Variants in TNFRSF8 observed in about 807,000 individuals in gnomAD.
TNFRSF8 encodes the protein TNF receptor superfamily member 8.
Under a neutral mutation model 70.8 loss-of-function variants are expected in TNFRSF8, and 26 were observed. The observed-to-expected ratio is 0.37, with a 90% CI of 0.27 to 0.51. The LOEUF (loss-of-function observed/expected upper bound fraction) is 0.51. Ranked by LOEUF, TNFRSF8 falls within the 20% of genes least tolerant of loss-of-function variation. TNFRSF8 has a pLI of 0.94. For missense variants in TNFRSF8, 720 were observed against 807.9 expected (o/e 0.89, Z 1.32); for synonymous variants, 356 against 339.2 (o/e 1.05, Z -0.54).
At chr1:12,068,489 C>T (rs1289892636) in intron 1 of TNFRSF8, among the ~76,000 whole-genome samples, 1 of 152,048 alleles carries the variant, frequency 6.6e-6, no homozygotes, top group Non-Finnish European at 1.5e-5. Context: ...TTCTCCACTT[C>T]TCTCTCTCCC....
intron 1 of TNFRSF8, among the ~76,000 whole-genome samples, chr1:12,077,009 A>G (rs1284437837): frequency 2.6e-5 from 4 of 152,142 alleles, no homozygotes; most frequent in African/African-American, 9.7e-5. Context: ...TGGCCCAACC[A>G]CGGCTGAAGA....
Position 12,063,602 on chromosome 1 carries a change from C to T in TNFRSF8, c.4C>T (p.Arg2Cys). The change falls in exon 1 of 15, where the codon CGC (arginine) becomes TGC (cysteine). Residue 2 changes from arginine to cysteine, a missense_variant. Arg to Cys is a radical substitution (Grantham distance 180, BLOSUM62 -3). Transcript: ENST00000263932. The surrounding 1 kb of genome is among the most constrained non-coding windows in gnomAD (Gnocchi z 7.2). ...CACCTCACGTCCGGCCCCGGGGATG[C>T]GCGTCCTCCTCGCCGCGCTGGGACT... M[R>C]VLLAALGLLF... 8 of 1,307,128 alleles carry T rather than the reference C, an allele frequency of 6.1e-6. No homozygotes were observed. The South Asian group carries it at 6.7e-5, about 11-fold the overall frequency. 81.0% of individuals were successfully genotyped at this position (1,307,128 alleles called of 1,614,324 possible). A position where few individuals can be genotyped will look rare whatever the true frequency, so the allele number is the denominator to read the frequency against.
chr1:12,143,779 C>T lies in TNFRSF8; in HGVS notation c.*1248C>T, dbSNP rs1234163515. 1 of 152,202 alleles carries T rather than the reference C, an allele frequency of 6.6e-6. No individual in the cohort carries two copies. Among genetic ancestry groups the T allele is most frequent in the African/African-American group, 2.4e-5 (1 of 41,438 alleles). The allele number at this position is 152,202 out of a possible 1,614,324, so 9.4% of individuals were successfully genotyped here. A position where few individuals can be genotyped will look rare whatever the true frequency, so the allele number is the denominator to read the frequency against. ...GATGAGTCTTGGAGTTGCGGGCAGC[C>T]TGGAGACTCGTGGACTTACCGCCTG... On this transcript the variant is annotated 3_prime_UTR_variant, in exon 15 of 15. Transcript: ENST00000263932. This position sits in a 1 kb window ranked among gnomAD's most constrained non-coding sequence, Gnocchi z 4.1.
chr1:12,118,767 A>T (rs114450430), intron 8 of TNFRSF8, among the ~76,000 whole-genome samples: 2,218 of 152,266 alleles, frequency 0.015, 15 homozygotes, highest in Non-Finnish European at 0.024. Flanking sequence ...TCTCCTCTGT[A>T]GGGAGCATGC....
chr1:12,097,204 G>A lies in TNFRSF8; in HGVS notation c.255G>A (p.Val85=). The A allele has an allele frequency of 6.2e-7, 1 of 1,613,844 alleles. No individual in the cohort carries two copies. The highest frequency in any genetic ancestry group is 8.5e-7 in the Non-Finnish European group (1 of 1,179,802). Residue 85 remains valine (V), a synonymous_variant, in exon 3 of 15, where the codon GTG becomes GTA. Coordinates refer to ENST00000263932, the MANE Select transcript of TNFRSF8 (RefSeq NM_001243.5). ...AGGCCGACCGCTGTACAGCCTGCGT[G>A]ACTTGTTCTCGAGGTAAGGGCCTTG... ...LDEADRCTAC[V]TCSRDDLVEK...
chr1:12,136,574 G>T (rs1381993274), intron 13 of TNFRSF8, among the ~76,000 whole-genome samples: 1 of 151,520 alleles, frequency 6.6e-6, no homozygotes, highest in Admixed American at 6.6e-5. Flanking sequence ...GCTTGAGCCT[G>T]GGGGACAGAG....
chr1:12,087,279 T>G (rs1641171949), intron 2 of TNFRSF8, among the ~76,000 whole-genome samples: 1 of 151,784 alleles, frequency 6.6e-6, no homozygotes, highest in East Asian at 1.9e-4. Context: ...GCAATTCTCT[T>G]GCCTCAGCCT....
chr1:12,093,561 G>GA (rs557660325), intron 2 of TNFRSF8, among the ~76,000 whole-genome samples: 259 of 152,072 alleles, frequency 1.7e-3, no homozygotes, highest in Non-Finnish European at 2.9e-3. Flanking sequence ...TTTTCCTTGA[G>GA]ACAGGGTCTT....
intron 1 of TNFRSF8, among the ~76,000 whole-genome samples, chr1:12,071,882 A>C (rs1428936893): frequency 6.6e-6 from 1 of 151,912 alleles, no homozygotes; most frequent in East Asian, 1.9e-4. Flanking sequence ...TTTTTAGTAG[A>C]GATGGGGTTT....
chr1:12,070,585 T>G (rs552925141), intron 1 of TNFRSF8, among the ~76,000 whole-genome samples: 2 of 152,216 alleles, frequency 1.3e-5, no homozygotes, highest in South Asian at 4.2e-4. Flanking sequence ...CTGCGCCTCC[T>G]ATTGCTGGGA....
At chr1:12,073,332 C>T (rs764769269) in intron 1 of TNFRSF8, among the ~76,000 whole-genome samples, 10 of 152,120 alleles carry the variant, frequency 6.6e-5, no homozygotes, top group Non-Finnish European at 1.3e-4. Flanking sequence ...CTGAGGCTGG[C>T]GCAGGAACCT....
chr1:12,125,314 C>T (rs868803178), intron 10 of TNFRSF8, among the ~76,000 whole-genome samples: 2 of 152,232 alleles, frequency 1.3e-5, no homozygotes, highest in East Asian at 1.9e-4. Context: ...GCAGTCCCCC[C>T]GGCCTGGCCT....
rs1226918899 is a variant in TNFRSF8 at position 12,109,708 on chromosome 1, A to C, written c.512+52A>C. 3 of 1,493,666 alleles carry C rather than the reference A, an allele frequency of 2.0e-6. No individual in the cohort carries two copies. In the South Asian group the frequency reaches 3.4e-5, roughly 17 times the overall value. The allele number at this position is 1,493,666 out of a possible 1,614,324, so 92.5% of individuals were successfully genotyped here. A position where few individuals can be genotyped will look rare whatever the true frequency, so the allele number is the denominator to read the frequency against. On this transcript the variant is annotated intron_variant, in intron 5 of 14. Coordinates refer to ENST00000263932, the MANE Select transcript of TNFRSF8 (RefSeq NM_001243.5). The surrounding 1 kb of genome is among the most constrained non-coding windows in gnomAD (Gnocchi z 4.4). Reference sequence around the variant, plus strand: ...CTTCCCCCAAGCTGGCTTTCAGATGAGGCTGCCCCACCCCACAGGACGCCC... The same window carrying C: ...CTTCCCCCAAGCTGGCTTTCAGATGCGGCTGCCCCACCCCACAGGACGCCC...
At chr1:12,067,986 G>A (rs1490849188) in intron 1 of TNFRSF8, among the ~76,000 whole-genome samples, 3 of 151,826 alleles carry the variant, frequency 2.0e-5, no homozygotes, top group South Asian at 4.2e-4. Context: ...TTCCCAGGGC[G>A]GCACTAGTGC....
intron 12 of TNFRSF8, among the ~76,000 whole-genome samples, chr1:12,134,243 G>A (rs1383442887): frequency 6.6e-6 from 1 of 152,098 alleles, no homozygotes; most frequent in South Asian, 2.1e-4. Flanking sequence ...GCTGACATAC[G>A]GGCATCTTGG....
intron 1 of TNFRSF8, among the ~76,000 whole-genome samples, chr1:12,074,384 A>C (rs1322161234): frequency 6.6e-6 from 1 of 151,450 alleles, no homozygotes; most frequent in Non-Finnish European, 1.5e-5. Context: ...GCTTCAAGAG[A>C]TTCTGCTACC....
intron 9 of TNFRSF8, among the ~76,000 whole-genome samples, 167 bp from the exon 10 acceptor site, chr1:12,123,548 G>A (rs964372647): frequency 6.6e-6 from 1 of 152,210 alleles, no homozygotes; most frequent in Non-Finnish European, 1.5e-5. Flanking sequence ...AAGCCAGAAG[G>A]CCTTGAAACC....
intron 1 of TNFRSF8, among the ~76,000 whole-genome samples, chr1:12,076,976 C>G (rs1317284324): frequency 6.6e-6 from 1 of 152,128 alleles, no homozygotes; most frequent in African/African-American, 2.4e-5. Flanking sequence ...GGGTCTCACC[C>G]TGTCACCCAG....
chr1:12,081,810 C>G (rs1200376957), intron 1 of TNFRSF8, among the ~76,000 whole-genome samples: 3 of 152,208 alleles, frequency 2.0e-5, no homozygotes, highest in Non-Finnish European at 2.9e-5. Flanking sequence ...CCAGGCCTCT[C>G]TCCTGGGGAA....
Sources: gnomAD v4.1 joint callset for allele counts (sites outside exome capture counted in the v4.1 genomes callset) on GRCh38, gnomAD v4.1.1 for gene constraint, Gnocchi (gnomAD v3.1) non-coding constraint, MANE v1.5 for transcripts, NCBI Gene and HGNC (gene_info 2026-07-23, HGNC 2026-07-21) for gene names.